Variants in KLHL13 observed in about 807,000 individuals in gnomAD.
KLHL13 encodes kelch like family member 13.
A neutral mutation model predicts 37.1 loss-of-function variants in KLHL13; 10 were observed. That is an observed-to-expected ratio of 0.27 (90% CI 0.17 to 0.46). The LOEUF (loss-of-function observed/expected upper bound fraction) is 0.46, where lower values mean the gene tolerates loss of function less well. Among genes scored for constraint, KLHL13 ranks in the 20% least tolerant of loss-of-function variants. The pLI, the probability that KLHL13 is intolerant of heterozygous loss-of-function variation, is 1.00. For synonymous variants in KLHL13, 163 were observed against 181.2 expected (o/e 0.90, Z 0.81); for missense variants, 360 against 509.3 (o/e 0.71, Z 2.82).
At chrX:118,001,265 G>A (rs192789199) in intron 1 of KLHL13, among the ~76,000 whole-genome samples, 22 of 111,500 alleles carry the variant, frequency 2.0e-4, no homozygotes, top group African/African-American at 6.5e-4. Flanking sequence ...GAAACTTTTC[G>A]TAGTCTGGGG....
chrX:118,035,072 A>C (rs2054418484), intron 1 of KLHL13, among the ~76,000 whole-genome samples: 2 of 97,323 alleles, frequency 2.1e-5, no homozygotes, highest in African/African-American at 1.0e-4. Context: ...TAGACCAATA[A>C]CAGGAGCTAA....
At chrX:117,974,998 G>A (rs1165848975), upstream of KLHL13, among the ~76,000 whole-genome samples, 1 of 111,405 alleles carries the variant, frequency 9.0e-6, no homozygotes, top group Non-Finnish European at 1.9e-5. Flanking sequence ...TTATCAATGC[G>A]CTAGTGGCCA....
intron 4 of KLHL13, 53 bp from the exon 6 acceptor site, chrX:117,910,149 A>G: frequency 1.2e-6 from 1 of 861,331 alleles, no homozygotes; most frequent in Non-Finnish European, 1.6e-6. Context: ...TGGCAATCAC[A>G]TCTTGATAGC....
At chrX:117,985,912 C>T (rs1374118139) in intron 1 of KLHL13, among the ~76,000 whole-genome samples, 2 of 110,737 alleles carry the variant, frequency 1.8e-5, no homozygotes, top group Admixed American at 1.9e-4. Context: ...CCCTGCATTG[C>T]CCGTCTTCAA....
intron 1 of KLHL13, among the ~76,000 whole-genome samples, chrX:117,954,271 A>G (rs1443481371): frequency 1.8e-5 from 2 of 112,335 alleles, no homozygotes; most frequent in Non-Finnish European, 3.8e-5. Context: ...GTTAAACTGC[A>G]TCATGTCCAA....
At chrX:118,081,940 TTGTGTGTGTGTGTGTGTGTG>T (rs762989393) in intron 1 of KLHL13, among the ~76,000 whole-genome samples, 1,025 of 97,684 alleles carry the variant, frequency 0.01, 14 homozygotes, top group African/African-American at 0.036. Context: ...TAGTATTCCA[TTGTGTGTGTGTGTGTGTGTG>T]TGTGTGTGTG....
intron 1 of KLHL13, among the ~76,000 whole-genome samples, chrX:118,054,564 C>G (rs1337575356): frequency 3.6e-5 from 4 of 111,689 alleles, no homozygotes; most frequent in East Asian, 2.8e-4. Flanking sequence ...TAAATAACAA[C>G]AAGAAGACAT....
chrX:118,019,122 T>C (rs1040953372), intron 1 of KLHL13, among the ~76,000 whole-genome samples: 3 of 111,235 alleles, frequency 2.7e-5, no homozygotes. Flanking sequence ...TATTAACTAT[T>C]GTCCTCATGC....
intron 1 of KLHL13, among the ~76,000 whole-genome samples, chrX:118,041,318 G>A (rs1177832559): frequency 1.8e-5 from 2 of 111,801 alleles, no homozygotes; most frequent in African/African-American, 3.2e-5. Context: ...CTTGCACCCA[G>A]GAGTTCAAGA....
chrX:117,960,347 C>T (rs1165233806), intron 1 of KLHL13, among the ~76,000 whole-genome samples: 3 of 111,327 alleles, frequency 2.7e-5, no homozygotes, highest in Non-Finnish European at 5.7e-5. Context: ...GGATGCACCT[C>T]CAAGTTTAGA....
exon 1 of KLHL13, chrX:117,973,079 C>A (rs927312038): frequency 3.0e-6 from 3 of 1,010,249 alleles, no homozygotes; most frequent in East Asian, 8.1e-5. Flanking sequence ...GCCAGAAAAG[C>A]GTTGACTGCA....
intron 2 of KLHL13, among the ~76,000 whole-genome samples, chrX:117,933,658 T>G (rs1932582996): frequency 9.0e-6 from 1 of 110,628 alleles, no homozygotes; most frequent in Non-Finnish European, 1.9e-5. Flanking sequence ...CAAATGAGAG[T>G]ACATCAAACT....
chrX:117,980,996 T>A (rs1404092681), intron 1 of KLHL13, among the ~76,000 whole-genome samples: 1 of 112,018 alleles, frequency 8.9e-6, no homozygotes, highest in Non-Finnish European at 1.9e-5. Flanking sequence ...TATTTCCAGA[T>A]CCTTTTCGTT....
At chrX:117,923,376 C>T (rs1371377432) in intron 2 of KLHL13, among the ~76,000 whole-genome samples, 1 of 112,158 alleles carries the variant, frequency 8.9e-6, no homozygotes, top group Non-Finnish European at 1.9e-5. Flanking sequence ...AGTCTAGGTA[C>T]TGTATGCCCC....
chrX:117,952,270 C>T (rs1426103381), intron 1 of KLHL13, among the ~76,000 whole-genome samples: 1 of 111,454 alleles, frequency 9.0e-6, no homozygotes, highest in African/African-American at 3.3e-5. Flanking sequence ...ACTATCTGAT[C>T]TTTGACAAAC....
chrX:117,902,035 C>A (rs1282221925), intron 5 of KLHL13, 89 bp from the exon 7 acceptor site: 2 of 480,222 alleles, frequency 4.2e-6, no homozygotes, highest in African/African-American at 4.9e-5. Context: ...GTAATAATAT[C>A]CAAACACTTG....
chrX:118,068,147 C>G (rs1265588739), intron 1 of KLHL13, among the ~76,000 whole-genome samples: 1 of 110,762 alleles, frequency 9.0e-6, no homozygotes, highest in African/African-American at 3.3e-5. Context: ...AATCACTGGC[C>G]GAAAGGTTAT....
chrX:117,908,402 A>G (rs5955986), intron 5 of KLHL13, among the ~76,000 whole-genome samples: 26,470 of 107,355 alleles, frequency 0.25, 5,551 homozygotes, highest in African/African-American at 0.69. Flanking sequence ...TAGCCCCCCA[A>G]CCCCAGACAG....
intron 2 of KLHL13, among the ~76,000 whole-genome samples, chrX:117,922,529 G>T (rs1211949646): frequency 8.9e-6 from 1 of 111,916 alleles, no homozygotes; most frequent in Non-Finnish European, 1.9e-5. Context: ...ACATTGGGTA[G>T]GATGTAAACT....
Sources: gnomAD v4.1 joint callset for allele counts (sites outside exome capture counted in the v4.1 genomes callset) on GRCh38, gnomAD v4.1.1 for gene constraint, MANE v1.5 for transcripts, NCBI Gene and HGNC (gene_info 2026-07-23, HGNC 2026-07-21) for gene names.